The following L3MBTL4 variants were observed in gnomAD, a reference collection of about 807,000 sequenced individuals.
L3MBTL4 encodes L3MBTL histone methyl-lysine binding protein 4.
In L3MBTL4, 70 loss-of-function variants were observed where a neutral mutation model predicts 84.5. That is an observed-to-expected ratio of 0.83 (90% CI 0.68 to 1.01). L3MBTL4 has a LOEUF of 1.01. L3MBTL4 is among the 50% of genes least tolerant of loss of function. The pLI is 0.00. For missense variants in L3MBTL4, 715 were observed against 754.8 expected, an observed-to-expected ratio of 0.95 and a Z score of 0.62; for synonymous variants, 274 against 259.8, an observed-to-expected ratio of 1.05 and a Z score of -0.52.
intron 1 of L3MBTL4, among the ~76,000 whole-genome samples, chr18:6,332,154 T>A (rs1276804016): frequency 2.0e-5 from 3 of 152,154 alleles, no homozygotes; most frequent in Non-Finnish European, 1.5e-5. Flanking sequence ...AGGTTTGAAC[T>A]GACATAATTT....
At chr18:6,235,603 C>T (rs752437468) in intron 10 of L3MBTL4, among the ~76,000 whole-genome samples, 1 of 152,144 alleles carries the variant, frequency 6.6e-6, no homozygotes, top group African/African-American at 2.4e-5. Context: ...TGTATGATTC[C>T]TTTCATGTAA....
At chr18:6,183,093 T>C (rs1038463779) in intron 12 of L3MBTL4, among the ~76,000 whole-genome samples, 3 of 152,222 alleles carry the variant, frequency 2.0e-5, no homozygotes, top group Admixed American at 2.0e-4. Context: ...GATGTGTTTT[T>C]CAGATAAGAT....
At chr18:6,232,793 T>C (rs1272226400) in intron 10 of L3MBTL4, among the ~76,000 whole-genome samples, 1 of 152,158 alleles carries the variant, frequency 6.6e-6, no homozygotes, top group Non-Finnish European at 1.5e-5. Context: ...AAAATATTTA[T>C]GAAATACTTA....
chr18:5,975,050 G>A (rs1332861431), intron 16 of L3MBTL4, among the ~76,000 whole-genome samples: 2 of 151,978 alleles, frequency 1.3e-5, no homozygotes, highest in East Asian at 1.9e-4. Context: ...CATAATGGTA[G>A]GTCCCTGATT....
intron 12 of L3MBTL4, among the ~76,000 whole-genome samples, chr18:6,206,944 T>C (rs1433784374): frequency 6.6e-6 from 1 of 152,138 alleles, no homozygotes; most frequent in Non-Finnish European, 1.5e-5. Flanking sequence ...TAACAACTAA[T>C]AAATTCATCT....
chr18:6,118,974 G>A (rs1459545872), intron 14 of L3MBTL4, among the ~76,000 whole-genome samples: 3 of 146,148 alleles, frequency 2.1e-5, no homozygotes, highest in Non-Finnish European at 3.0e-5. Context: ...AATAGATTTG[G>A]CACAGTTTTT....
chr18:6,139,711 GC>G (rs924898443), intron 13 of L3MBTL4, among the ~76,000 whole-genome samples: 6 of 151,864 alleles, frequency 4.0e-5, no homozygotes, highest in South Asian at 2.1e-4. Context: ...CCATTTCCCA[GC>G]CCTGGTTTCA....
rs146003227 is a variant in L3MBTL4, at chr18:6,103,526, T to C, written c.1200-9998A>G. On this transcript the variant is annotated intron_variant, in intron 14 of 18. Transcript: ENST00000317931. The stretch of plus-strand genomic sequence containing the variant: ...TCTTGGAAGTTGTTCAAAGGACACC[T>C]GGAAAATAACTCAAAATGCCTTCAA... Among the ~76,000 whole-genome samples, 290 of 152,338 alleles carry C rather than the reference T, an allele frequency of 1.9e-3. 1 individual carries two copies. The highest frequency in any genetic ancestry group is 3.0e-3 in the Non-Finnish European group (204 of 68,022).
chr18:5,999,142 G>A (rs1030953657), intron 16 of L3MBTL4, among the ~76,000 whole-genome samples: 2 of 152,192 alleles, frequency 1.3e-5, no homozygotes, highest in Non-Finnish European at 2.9e-5. Context: ...GTGTAGTGCA[G>A]CCAGATAGCC....
intron 15 of L3MBTL4, among the ~76,000 whole-genome samples, chr18:6,092,764 C>T (rs1175379380): frequency 6.6e-6 from 1 of 152,170 alleles, no homozygotes; most frequent in Admixed American, 6.5e-5. Context: ...TCACACAAGG[C>T]TGTACTTGCA....
At chr18:6,036,638 T>C (rs1172978557) in intron 16 of L3MBTL4, among the ~76,000 whole-genome samples, 1 of 152,230 alleles carries the variant, frequency 6.6e-6, no homozygotes, top group Non-Finnish European at 1.5e-5. Context: ...CTTATTTTTA[T>C]TCATTTGAAT....
intron 16 of L3MBTL4, among the ~76,000 whole-genome samples, chr18:6,007,545 T>G (rs1264058260): frequency 6.6e-6 from 1 of 152,202 alleles, no homozygotes; most frequent in Non-Finnish European, 1.5e-5. Context: ...GTTGGGTGAT[T>G]GGTTATTAAA....
At chr18:6,340,941 T>C (rs140363061) in intron 1 of L3MBTL4, among the ~76,000 whole-genome samples, 40 of 152,132 alleles carry the variant, frequency 2.6e-4, no homozygotes, top group Admixed American at 7.2e-4. Context: ...GGAAAATAAA[T>C]AGGAGGCCCT....
chr18:6,282,935 A>C (rs933896310), intron 4 of L3MBTL4, among the ~76,000 whole-genome samples: 1 of 151,982 alleles, frequency 6.6e-6, no homozygotes, highest in African/African-American at 2.4e-5. Context: ...AAAAAAGAAA[A>C]AGGTCCCTTG....
intron 1 of L3MBTL4, among the ~76,000 whole-genome samples, chr18:6,386,034 G>T (rs937297235): frequency 2.6e-5 from 4 of 152,192 alleles, no homozygotes; most frequent in African/African-American, 9.7e-5. Context: ...CTAAAGAAAG[G>T]TGTTTTCCAT....
At chr18:6,324,037 G>C (rs1428295080) in intron 1 of L3MBTL4, among the ~76,000 whole-genome samples, 2 of 152,236 alleles carry the variant, frequency 1.3e-5, no homozygotes, top group Non-Finnish European at 2.9e-5. Flanking sequence ...AGCCACTCCA[G>C]CTCCAGCCAT....
intron 1 of L3MBTL4, among the ~76,000 whole-genome samples, chr18:6,406,149 C>G (rs1020084601): frequency 2.0e-5 from 3 of 152,222 alleles, no homozygotes; most frequent in African/African-American, 7.2e-5. Context: ...CAAAGGTTGA[C>G]ATGACATCAT....
At chr18:6,249,585 C>T (rs543113585) in intron 5 of L3MBTL4, among the ~76,000 whole-genome samples, 4 of 152,060 alleles carry the variant, frequency 2.6e-5, no homozygotes, top group South Asian at 2.1e-4. Context: ...AAAAATAAAA[C>T]GTTCATTTTA....
intron 13 of L3MBTL4, among the ~76,000 whole-genome samples, chr18:6,150,545 T>A (rs1348018538): frequency 2.6e-5 from 4 of 152,164 alleles, no homozygotes; most frequent in African/African-American, 9.7e-5. Context: ...GACATTTCAT[T>A]ATTGACATTC....
Sources: allele counts gnomAD v4.1 joint callset (sites outside exome capture counted in the v4.1 genomes callset), GRCh38; gene constraint gnomAD v4.1.1; transcripts MANE v1.5; gene names NCBI Gene and HGNC (gene_info 2026-07-23, HGNC 2026-07-21).